ZNF33A: variants seen among roughly 807,000 people sequenced by gnomAD.
ZNF33A encodes the protein zinc finger protein 33A, also known as brain my041 protein.
ZNF33A carries 9 observed loss-of-function variants against 15.9 expected under a neutral mutation model. The ratio of observed to expected loss-of-function variants is 0.57; its 90% CI spans 0.34 to 0.99. The LOEUF is 0.99. Ranked by LOEUF, ZNF33A falls within the 50% of genes least tolerant of loss-of-function variation. The pLI, the probability that ZNF33A is intolerant of heterozygous loss-of-function variation, is 0.02. For missense variants in ZNF33A, 843 were observed against 941.6 expected (o/e 0.90, Z 1.37); for synonymous variants, 294 against 324.2 (o/e 0.91, Z 1.00).
In ZNF33A at chr10:38,057,154, C is replaced by G; in HGVS notation, c.*594C>G. ...TGTATGTGTGTGTGTGTGGTTATAT[C>G]AAACTTTTACGACTTTTACATTTGA... On this transcript the variant is annotated 3_prime_UTR_variant, in exon 5 of 5. Coordinates refer to ENST00000432900, the MANE Select transcript of ZNF33A (RefSeq NM_006954.2). The G allele has an allele frequency of 1.1e-6, 1 of 928,916 alleles. No homozygotes were observed. The highest frequency in any genetic ancestry group is 1.3e-6 in the Non-Finnish European group (1 of 778,180). The allele number at this position is 928,916 out of a possible 1,614,324, so 57.5% of individuals were successfully genotyped here.
intron 4 of ZNF33A, among the ~76,000 whole-genome samples, chr10:38,041,891 C>A (rs941761638): frequency 2.6e-5 from 4 of 151,980 alleles, no homozygotes; most frequent in Admixed American, 1.3e-4. Context: ...GATACATGTG[C>A]AGAATGTGGA....
At chr10:38,060,100 G>A (rs2066637069), downstream of ZNF33A, 40 of 985,128 alleles carry the variant, frequency 4.1e-5, no homozygotes, top group Non-Finnish European at 4.8e-5. Context: ...TCTTTTGTTA[G>A]TTGTATGTTT....
At chr10:38,062,776 G>T (rs2066669672), downstream of ZNF33A, among the ~76,000 whole-genome samples, 1 of 151,798 alleles carries the variant, frequency 6.6e-6, no homozygotes, top group Admixed American at 6.6e-5. Context: ...GGCCGAGGTG[G>T]GCGGATCACG....
chr10:38,024,175 A>AAAAG (rs1554902729), intron 4 of ZNF33A, among the ~76,000 whole-genome samples: 57 of 144,744 alleles, frequency 3.9e-4, no homozygotes, highest in Admixed American at 7.1e-4. Flanking sequence ...AAAAAAAAAA[A>AAAAG]AAAAAAGAAA....
Position 38,056,319 on chromosome 10 carries a change from G to T in ZNF33A, c.2195G>T (p.Arg732Leu), listed in dbSNP as rs141947097. Residue 732 changes from arginine to leucine, a missense_variant, in exon 5 of 5, where the codon CGT becomes CTT. Arg to Leu is a moderately radical substitution (Grantham distance 102, BLOSUM62 -2). Transcript: ENST00000432900. ...QCNECGKIFYRKSELAQHQRS... is the reference protein window; with the variant it reads ...QCNECGKIFYLKSELAQHQRS... ...AATGAATGTGGAAAAATCTTTTACCGTAAATCGGAACTTGCTCAACATCAG... is the reference window on the plus strand; with the variant it reads ...AATGAATGTGGAAAAATCTTTTACCTTAAATCGGAACTTGCTCAACATCAG... The T allele has an allele frequency of 5.6e-6, 9 of 1,613,910 alleles. No individual in the cohort carries two copies. The African/African-American group carries it at 6.7e-5, about 12-fold the overall frequency.
chr10:38,056,032 C>A lies in ZNF33A; in HGVS notation c.1908C>A (p.Pro636=). The change falls in exon 5 of 5, where the codon CCC becomes CCA. Residue 636 remains proline, a synonymous_variant. Coordinates refer to ENST00000432900, the MANE Select transcript of ZNF33A (RefSeq NM_006954.2). ...QHQRIHIGEK[P]YKCNECGKAF... ...AGAGAATTCACATAGGGGAGAAACCCTATAAATGTAATGAGTGTGGAAAAG... is the reference window on the plus strand; with the variant it reads ...AGAGAATTCACATAGGGGAGAAACCATATAAATGTAATGAGTGTGGAAAAG... 2 of 1,613,974 alleles carry A rather than the reference C, an allele frequency of 1.2e-6. No individual in the cohort carries two copies. Among genetic ancestry groups the A allele is most frequent in the Middle Eastern group, 1.7e-4 (1 of 6,060 alleles).
Position 38,056,838 on chromosome 10 carries a change from G to A in ZNF33A, c.*278G>A, listed in dbSNP as rs572886536. On this transcript the variant is annotated 3_prime_UTR_variant, in exon 5 of 5. Transcript: ENST00000432900. ...TTAGAAATAAAATACGACAAGTTAT[G>A]TTTTGAGTTTGATGCCATAATAGTT... is the stretch of plus-strand genomic sequence containing the variant. The A allele has an allele frequency of 3.8e-4, 422 of 1,105,156 alleles. No individual in the cohort carries two copies. The highest frequency in any genetic ancestry group is 4.3e-4 in the Non-Finnish European group (388 of 907,076). 68.5% of individuals were successfully genotyped at this position (1,105,156 alleles called of 1,614,324 possible). A position where few individuals can be genotyped will look rare whatever the true frequency, so the allele number is the denominator to read the frequency against.
intron 4 of ZNF33A, among the ~76,000 whole-genome samples, chr10:38,032,308 C>T (rs72793729): frequency 0.035 from 5,258 of 152,056 alleles, 118 homozygotes; most frequent in Non-Finnish European, 0.052. Context: ...TTATACACCA[C>T]GAAACAGGTA....
rs1312880642 is a variant in ZNF33A, at chr10:38,056,849, G to A, written c.*289G>A. 4 of 1,089,086 alleles carry A rather than the reference G, an allele frequency of 3.7e-6. No individual in the cohort carries two copies. Among genetic ancestry groups the A allele is most frequent in the African/African-American group, 1.6e-5 (1 of 60,618 alleles). The allele number at this position is 1,089,086 out of a possible 1,614,324, so 67.5% of individuals were successfully genotyped here. ...ATACGACAAGTTATGTTTTGAGTTT[G>A]ATGCCATAATAGTTTTTAGGGCACC... On this transcript the variant is annotated 3_prime_UTR_variant, in exon 5 of 5. Transcript: ENST00000432900.
At position 38,012,409 on chromosome 10, in the gene ZNF33A, A is replaced by C. The variant is rs184535777; in HGVS notation, c.9+59A>C. 1,190 of 1,073,528 alleles carry C rather than the reference A, an allele frequency of 1.1e-3. 11 individuals carry two copies. The Middle Eastern group carries it at 0.019, about 17-fold the overall frequency. The allele number at this position is 1,073,528 out of a possible 1,614,324, so 66.5% of individuals were successfully genotyped here. A position where few individuals can be genotyped will look rare whatever the true frequency, so the allele number is the denominator to read the frequency against. ...CAGTGGACTTTGTGAGATTTGTAAG[A>C]GTCGATATGGTGTTTGTTTTTTTTT... On this transcript the variant is annotated intron_variant, in intron 2 of 4. Coordinates refer to ENST00000432900, the MANE Select transcript of ZNF33A (RefSeq NM_006954.2).
At chr10:38,019,234 T>C (rs1266916857) in intron 4 of ZNF33A, among the ~76,000 whole-genome samples, 2 of 150,496 alleles carry the variant, frequency 1.3e-5, no homozygotes, top group Non-Finnish European at 3.0e-5. Flanking sequence ...GAACATGCAG[T>C]GTTTGGTTTT....
At chr10:38,050,027 T>A (rs991404010) in intron 4 of ZNF33A, among the ~76,000 whole-genome samples, 8 of 152,274 alleles carry the variant, frequency 5.3e-5, no homozygotes, top group African/African-American at 1.4e-4. Context: ...ATAGATAACC[T>A]TTCCACAAAG....
chr10:38,055,526 C>A lies in ZNF33A; in HGVS notation c.1402C>A (p.Pro468Thr), dbSNP rs149385780. 4.9e-5 allele frequency: 79 copies of A among 1,614,008 alleles called. 1 individual carries two copies. The highest frequency in any genetic ancestry group is 8.5e-7 in the Non-Finnish European group (1 of 1,179,990). ...CCAGAGAACTCACACAGGTGAGAAA[C>A]CTTTTGAATGTCTTGAGTGTGGGAA... ...VHQRTHTGEK[P>T]FECLECGKSF... The change falls in exon 5 of 5, where the codon CCT becomes ACT. Residue 468 changes from proline to threonine, a missense_variant. Coordinates refer to ENST00000432900, the MANE Select transcript of ZNF33A (RefSeq NM_006954.2).
At chr10:38,017,576 T>G in intron 4 of ZNF33A, 190 bp downstream of exon 4, 1 of 434,500 alleles carries the variant, frequency 2.3e-6, no homozygotes, top group South Asian at 3.8e-5. Context: ...TTCCTCCTTT[T>G]TGAATCGTTT....
chr10:38,014,077 C>T (rs1328110560), intron 2 of ZNF33A, among the ~76,000 whole-genome samples: 1 of 119,654 alleles, frequency 8.4e-6, no homozygotes, highest in East Asian at 2.7e-4. Flanking sequence ...GAGAGTCTCA[C>T]TGTCACCCAG....
In ZNF33A at chr10:38,039,189, T is replaced by TG. The variant is rs1048157117; in HGVS notation, c.251-15186_251-15185insG. Among the ~76,000 whole-genome samples the TG allele has an allele frequency of 7.3e-5, 11 of 150,810 alleles. 1 individual carries two copies. The highest frequency in any genetic ancestry group is 2.7e-4 in the African/African-American group (11 of 40,972). On this transcript the variant is annotated intron_variant, in intron 4 of 4. Transcript: ENST00000432900. ...CCAGTGAACCCTTATGGACCTGGGTTTTTTTTTTGTTTTTGTAATGGGAAG... is the reference window on the plus strand; with the variant it reads ...CCAGTGAACCCTTATGGACCTGGGTTGTTTTTTTTGTTTTTGTAATGGGAAG...
At chr10:38,064,376 T>G (rs1313255390), downstream of ZNF33A, 1 of 428,578 alleles carries the variant, frequency 2.3e-6, no homozygotes, top group Non-Finnish European at 4.1e-6. Flanking sequence ...GGCCCAGGGC[T>G]GAGGCTTCTC....
intron 4 of ZNF33A, among the ~76,000 whole-genome samples, chr10:38,020,234 A>T (rs1466969558): frequency 1.3e-5 from 2 of 152,184 alleles, no homozygotes; most frequent in Non-Finnish European, 2.9e-5. Flanking sequence ...TAAAATTTTT[A>T]ATTTTTGTGA....
intron 4 of ZNF33A, among the ~76,000 whole-genome samples, chr10:38,047,065 A>G (rs1189656742): frequency 6.6e-6 from 1 of 151,618 alleles, no homozygotes; most frequent in Non-Finnish European, 1.5e-5. Context: ...CTGTGGTCCT[A>G]GCTACTTGGG....
Sources: gnomAD v4.1 joint callset for allele counts (sites outside exome capture counted in the v4.1 genomes callset) on GRCh38, gnomAD v4.1.1 for gene constraint, MANE v1.5 for transcripts, NCBI Gene and HGNC (gene_info 2026-07-23, HGNC 2026-07-21) for gene names.